The following RBFOX1 variants were observed in gnomAD, a reference collection of about 807,000 sequenced individuals.
RBFOX1 encodes the protein RNA binding fox-1 homolog 1, also known as RNA binding protein fox-1 homolog 1.
Under a neutral mutation model 57.7 loss-of-function variants are expected in RBFOX1, and 8 were observed. The observed-to-expected ratio is 0.14, with a 90% CI of 0.08 to 0.25. The LOEUF (loss-of-function observed/expected upper bound fraction) is 0.25, where lower values mean the gene tolerates loss of function less well. Among genes scored for constraint, RBFOX1 ranks in the 10% least tolerant of loss-of-function variants. The probability of loss-of-function intolerance (pLI) is 1.00; values close to 1 mark genes in which losing one functional copy is unlikely to be tolerated. For missense variants in RBFOX1, 611 were observed against 548.5 expected (o/e 1.11, Z -1.14); for synonymous variants, 326 against 222.4 (o/e 1.47, Z -4.15).
At chr16:6,179,491 G>T (rs745370047) in intron 1 of RBFOX1, among the ~76,000 whole-genome samples, 5 of 152,078 alleles carry the variant, frequency 3.3e-5, no homozygotes, top group Non-Finnish European at 5.9e-5. Flanking sequence ...ATCATCTTCT[G>T]GGGGCTGGGC....
At chr16:7,439,389 C>A (rs558368362) in intron 4 of RBFOX1, among the ~76,000 whole-genome samples, 140 of 151,890 alleles carry the variant, frequency 9.2e-4, no homozygotes, top group Non-Finnish European at 1.6e-3. Flanking sequence ...AATCCAGCCT[C>A]ACCTTTCTTT....
At chr16:7,092,820 G>C (rs1185748317) in intron 4 of RBFOX1, among the ~76,000 whole-genome samples, 1 of 152,190 alleles carries the variant, frequency 6.6e-6, no homozygotes, top group Non-Finnish European at 1.5e-5. Context: ...TTTTCTTCAA[G>C]TATTCTGTCC....
chr16:6,899,560 C>G (rs1010208491), intron 3 of RBFOX1, among the ~76,000 whole-genome samples: 2 of 152,180 alleles, frequency 1.3e-5, no homozygotes, highest in African/African-American at 2.4e-5. Context: ...GATTACAACT[C>G]CATCTCTCAC....
At chr16:6,819,157 C>T (rs974826182) in intron 3 of RBFOX1, among the ~76,000 whole-genome samples, 1 of 152,088 alleles carries the variant, frequency 6.6e-6, no homozygotes, top group African/African-American at 2.4e-5. Flanking sequence ...TATATTTGAC[C>T]CCTGTGAGCC....
chr16:6,543,456 C>A (rs1037958080), intron 2 of RBFOX1, among the ~76,000 whole-genome samples: 1 of 152,130 alleles, frequency 6.6e-6, no homozygotes, highest in African/African-American at 2.4e-5. Context: ...CATTTTCTTT[C>A]TTGACTCTGA....
chr16:6,650,586 C>A (rs990667687), intron 2 of RBFOX1, among the ~76,000 whole-genome samples: 2 of 152,156 alleles, frequency 1.3e-5, no homozygotes, highest in Admixed American at 1.3e-4. Flanking sequence ...AAGCACAGTT[C>A]CTGGCACGAA....
chr16:5,628,210 C>T (rs2048400359), intron 3 of RBFOX1, among the ~76,000 whole-genome samples: 1 of 152,154 alleles, frequency 6.6e-6, no homozygotes, highest in African/African-American at 2.4e-5. Flanking sequence ...TACATTGCAG[C>T]CCAGTGTTTG....
chr16:5,558,895 G>A (rs1387005352), intron 2 of RBFOX1, among the ~76,000 whole-genome samples: 1 of 152,142 alleles, frequency 6.6e-6, no homozygotes, highest in Non-Finnish European at 1.5e-5. Flanking sequence ...TTGTTAAAAT[G>A]TGCAGTGTCT....
In RBFOX1 at chr16:7,607,679, G is replaced by A. The variant is rs368722606; in HGVS notation, c.676+341G>A. 2.0e-5 allele frequency among the ~76,000 whole-genome samples: 3 copies of A among 152,284 alleles called. No homozygotes were observed. In the East Asian group the frequency reaches 5.8e-4, roughly 29 times the overall value. On this transcript the variant is annotated intron_variant, in intron 10 of 15. Coordinates refer to ENST00000550418, the MANE Select transcript of RBFOX1 (RefSeq NM_018723.4). Reference sequence around the variant, plus strand: ...ATTGTATTTCAATGTGCCTGAATGTGTGTTTTAGCCATACATTTCCATTTG... The same window carrying A: ...ATTGTATTTCAATGTGCCTGAATGTATGTTTTAGCCATACATTTCCATTTG...
chr16:7,561,587 G>A (rs931388626), intron 5 of RBFOX1, among the ~76,000 whole-genome samples: 7 of 152,174 alleles, frequency 4.6e-5, no homozygotes, highest in African/African-American at 1.7e-4. Flanking sequence ...ACATATCGGT[G>A]TTCACAAAGA....
At chr16:7,349,492 C>A (rs1461849448) in intron 4 of RBFOX1, among the ~76,000 whole-genome samples, 1 of 152,040 alleles carries the variant, frequency 6.6e-6, no homozygotes, top group East Asian at 1.9e-4. Flanking sequence ...GTCTGCCAGC[C>A]AGTCCTTGTC....
In RBFOX1 at chr16:7,454,401, A is replaced by T. The variant is rs1394474829; in HGVS notation, c.28-63746A>T. Among the ~76,000 whole-genome samples the T allele has an allele frequency of 1.2e-3, 190 of 152,318 alleles. 2 individuals carry two copies. The highest frequency in any genetic ancestry group is 4.0e-3 in the African/African-American group (165 of 41,578). On this transcript the variant is annotated intron_variant, in intron 4 of 15. Transcript: ENST00000550418. ...TAAAACTGTACCATATCAAAGGCAGATTGTCTCCCAAGTTATCAAGTCAAA... is the reference window on the plus strand; with the variant it reads ...TAAAACTGTACCATATCAAAGGCAGTTTGTCTCCCAAGTTATCAAGTCAAA...
chr16:5,342,925 A>G (rs527997125), intron 1 of RBFOX1, among the ~76,000 whole-genome samples: 1 of 152,280 alleles, frequency 6.6e-6, no homozygotes, highest in Admixed American at 6.5e-5. Flanking sequence ...ACAAGCCAAG[A>G]TGAGTTCTAA....
chr16:5,738,313 C>A lies in RBFOX1; in HGVS notation c.319-128990C>A, dbSNP rs549545031. Among the ~76,000 whole-genome samples, 3 of 151,830 alleles carry A rather than the reference C, an allele frequency of 2.0e-5. No homozygotes were observed. The East Asian group carries it at 5.8e-4, about 29-fold the overall frequency. On this transcript the variant is annotated intron_variant, in intron 3 of 19. Transcript: ENST00000641259. ...CTATGTGTTAGGTATATATCAACAA[C>A]GCTGTTTCTTTAAAAAGTAAATCTA...
chr16:6,988,015 T>C (rs1342101287), intron 3 of RBFOX1, among the ~76,000 whole-genome samples: 1 of 151,950 alleles, frequency 6.6e-6, no homozygotes, highest in Non-Finnish European at 1.5e-5. Flanking sequence ...GTTATGTTTC[T>C]GGTGAAAAAA....
intron 3 of RBFOX1, among the ~76,000 whole-genome samples, chr16:5,700,852 T>C (rs926184544): frequency 1.3e-5 from 2 of 152,204 alleles, no homozygotes; most frequent in Admixed American, 1.3e-4. Context: ...GAACCAGTCA[T>C]AGGCTGGCCA....
At chr16:7,046,647 C>G (rs1287665758) in intron 3 of RBFOX1, among the ~76,000 whole-genome samples, 2 of 126,214 alleles carry the variant, frequency 1.6e-5, no homozygotes, top group Non-Finnish European at 3.1e-5. Context: ...AGTACAGAGT[C>G]TCAGTCTGTG....
At chr16:6,320,782 AT>A (rs2081681373) in intron 2 of RBFOX1, among the ~76,000 whole-genome samples, 1 of 149,270 alleles carries the variant, frequency 6.7e-6, no homozygotes, top group East Asian at 2.0e-4. Flanking sequence ...TTAAAAAAAA[AT>A]TTGTTACTTT....
At chr16:6,946,176 C>T (rs376321385) in intron 3 of RBFOX1, among the ~76,000 whole-genome samples, 1 of 152,208 alleles carries the variant, frequency 6.6e-6, no homozygotes, top group South Asian at 2.1e-4. Flanking sequence ...CAAGTGTTTA[C>T]AGTAAAGGAC....
Sources: allele counts gnomAD v4.1 joint callset (sites outside exome capture counted in the v4.1 genomes callset), GRCh38; gene constraint gnomAD v4.1.1; transcripts MANE v1.5; gene names NCBI Gene and HGNC (gene_info 2026-07-23, HGNC 2026-07-21).